Variants in ROBO2 observed in about 807,000 individuals in gnomAD.
ROBO2 encodes roundabout homolog 2.
In ROBO2, 53 loss-of-function variants were observed where a neutral mutation model predicts 160.8. That is an observed-to-expected ratio of 0.33 (90% CI 0.26 to 0.41). The LOEUF (loss-of-function observed/expected upper bound fraction) is 0.41. Among genes scored for constraint, ROBO2 ranks in the 10% least tolerant of loss-of-function variants. The pLI is 1.00. For missense variants in ROBO2, 1,577 were observed against 1,722.4 expected (o/e 0.92, Z 1.49); for synonymous variants, 664 against 611.7 (o/e 1.09, Z -1.26).
intron 2 of ROBO2, among the ~76,000 whole-genome samples, chr3:77,289,813 T>C (rs527485717): frequency 6.6e-6 from 1 of 151,452 alleles, no homozygotes; most frequent in South Asian, 2.1e-4. Context: ...AGACATAAAG[T>C]AAAATTGACA....
At chr3:76,817,538 T>C (rs1225903157) in intron 2 of ROBO2, among the ~76,000 whole-genome samples, 1 of 152,038 alleles carries the variant, frequency 6.6e-6, no homozygotes, top group African/African-American at 2.4e-5. Flanking sequence ...AGAGGTGGTA[T>C]TTGGTTACAT....
chr3:76,113,035 C>T (rs1277584606), intron 2 of ROBO2, among the ~76,000 whole-genome samples: 1 of 151,990 alleles, frequency 6.6e-6, no homozygotes, highest in African/African-American at 2.4e-5. Context: ...TTATTAACCA[C>T]TAGTGGAGTA....
intron 2 of ROBO2, among the ~76,000 whole-genome samples, chr3:76,148,251 A>G (rs1042554164): frequency 1.3e-5 from 2 of 152,038 alleles, no homozygotes; most frequent in Non-Finnish European, 2.9e-5. Context: ...CCAACTCTCA[A>G]CTACCTGCCT....
At chr3:76,502,530 A>T (rs561869831) in intron 2 of ROBO2, among the ~76,000 whole-genome samples, 1 of 152,356 alleles carries the variant, frequency 6.6e-6, no homozygotes, top group African/African-American at 2.4e-5. Context: ...TTTACTTAGA[A>T]ATAAAACTAG....
chr3:77,055,064 C>A (rs1162680772), intron 1 of ROBO2, among the ~76,000 whole-genome samples: 1 of 150,530 alleles, frequency 6.6e-6, no homozygotes, highest in Non-Finnish European at 1.5e-5. Context: ...GAGAAACACT[C>A]ATTCTTTAAA....
At chr3:77,324,060 G>C (rs1581069021) in intron 2 of ROBO2, among the ~76,000 whole-genome samples, 1 of 152,090 alleles carries the variant, frequency 6.6e-6, no homozygotes, top group Admixed American at 6.6e-5. Flanking sequence ...GAGGGTGAGA[G>C]GGTCTCCCAA....
At chr3:76,151,133 AT>A (rs901337972) in intron 2 of ROBO2, among the ~76,000 whole-genome samples, 6 of 152,256 alleles carry the variant, frequency 3.9e-5, no homozygotes, top group African/African-American at 1.4e-4. Context: ...TTATTATAAA[AT>A]TAATCACCAT....
chr3:76,418,617 G>A (rs2075857620), intron 2 of ROBO2, among the ~76,000 whole-genome samples: 2 of 148,958 alleles, frequency 1.3e-5, no homozygotes, highest in South Asian at 2.1e-4. Context: ...TGGAACTCCC[G>A]ACCTACTTCT....
chr3:77,129,661 T>C (rs1408387585), intron 2 of ROBO2, among the ~76,000 whole-genome samples: 1 of 152,192 alleles, frequency 6.6e-6, no homozygotes, highest in Non-Finnish European at 1.5e-5. Flanking sequence ...TCGGGTGTTG[T>C]TGTTGAGAAG....
chr3:77,389,670 CCTTCATGTCTTTT>C (rs1327868747), intron 2 of ROBO2, among the ~76,000 whole-genome samples: 1 of 151,360 alleles, frequency 6.6e-6, no homozygotes, highest in Non-Finnish European at 1.5e-5. Context: ...TCCCTTCTTT[CCTTCATGTCTTTT>C]CTTCATGTCT....
At chr3:77,209,829 C>A (rs2083896126) in intron 2 of ROBO2, among the ~76,000 whole-genome samples, 1 of 152,040 alleles carries the variant, frequency 6.6e-6, no homozygotes, top group South Asian at 2.1e-4. Context: ...CAATTGATTC[C>A]CAGATTCTTC....
intron 2 of ROBO2, among the ~76,000 whole-genome samples, chr3:76,536,090 G>T (rs575208714): frequency 4.6e-5 from 7 of 152,236 alleles, no homozygotes; most frequent in African/African-American, 1.7e-4. Flanking sequence ...TGGCCCAGTG[G>T]CCAGTTTTGT....
In ROBO2 at chr3:77,577,620, A is replaced by C; in HGVS notation, c.2328+6A>C. The C allele has an allele frequency of 6.2e-7, 1 of 1,612,760 alleles. No homozygotes were observed. Among genetic ancestry groups the C allele is most frequent in the Non-Finnish European group, 8.5e-7 (1 of 1,179,176 alleles). On this transcript the variant is annotated splice_donor_region_variant and intron_variant, in intron 15 of 25. Transcript: ENST00000461745. Reference sequence around the variant, plus strand: ...GAATTATCCAAGAATACAAGGTAGGACCCGGGTGAAGAAGGACAGCTCTCA... The same window carrying C: ...GAATTATCCAAGAATACAAGGTAGGCCCCGGGTGAAGAAGGACAGCTCTCA...
chr3:76,285,532 A>G (rs1322560571), intron 2 of ROBO2, among the ~76,000 whole-genome samples: 1 of 152,124 alleles, frequency 6.6e-6, no homozygotes, highest in African/African-American at 2.4e-5. Flanking sequence ...CAAGAGCTTG[A>G]AGAAAATAAA....
At chr3:77,086,357 T>A (rs1201761046) in intron 1 of ROBO2, among the ~76,000 whole-genome samples, 1 of 152,136 alleles carries the variant, frequency 6.6e-6, no homozygotes, top group East Asian at 1.9e-4. Flanking sequence ...CTGCTATGTT[T>A]TATACATAGG....
At chr3:77,286,772 T>G (rs1392945061) in intron 2 of ROBO2, among the ~76,000 whole-genome samples, 1 of 152,240 alleles carries the variant, frequency 6.6e-6, no homozygotes, top group Admixed American at 6.5e-5. Context: ...ATTTAGTCTA[T>G]TACTCTTGAA....
intron 2 of ROBO2, among the ~76,000 whole-genome samples, chr3:77,136,144 A>G (rs572036049): frequency 6.6e-6 from 1 of 152,216 alleles, no homozygotes; most frequent in African/African-American, 2.4e-5. Context: ...TATTCTACAC[A>G]TAATGTGGTA....
chr3:76,925,108 T>C (rs939496581), intron 2 of ROBO2, among the ~76,000 whole-genome samples: 2 of 148,600 alleles, frequency 1.3e-5, no homozygotes, highest in African/African-American at 4.9e-5. Context: ...CTTGGGAGGC[T>C]GAGGCAGGAG....
chr3:75,966,903 A>C (rs1576325702), intron 2 of ROBO2, among the ~76,000 whole-genome samples: 2 of 151,670 alleles, frequency 1.3e-5, no homozygotes, highest in East Asian at 2.0e-4. Context: ...AGAATTATAT[A>C]ATTTTCACAT....
Sources: allele counts gnomAD v4.1 joint callset (sites outside exome capture counted in the v4.1 genomes callset), GRCh38; gene constraint gnomAD v4.1.1; transcripts MANE v1.5; gene names NCBI Gene and HGNC (gene_info 2026-07-23, HGNC 2026-07-21).